Variants in SPMIP6 observed in about 807,000 individuals in gnomAD.
SPMIP6 encodes the protein sperm microtubule inner protein 6, also known as ciliated bronchial epithelial protein 1.
the SPMIP6 span, chr9:34,385,775 T>C: frequency 6.2e-7 from 1 of 1,612,328 alleles, no homozygotes; most frequent in South Asian, 1.1e-5. Flanking sequence ...ATGGTATGAG[T>C]CAGACCCTGG....
At chr9:34,385,508 C>T in the SPMIP6 span, 2 of 775,122 alleles carry the variant, frequency 2.6e-6, no homozygotes, top group Admixed American at 3.7e-5. Context: ...TGCACCCAGA[C>T]TGGGCAACAA....
At chr9:34,385,680 GC>G in the SPMIP6 span, 1 of 1,613,904 alleles carries the variant, frequency 6.2e-7, no homozygotes, top group Non-Finnish European at 8.5e-7. Flanking sequence ...AGTAGGGGTG[GC>G]CTGATATGGA....
chr9:34,384,152 C>G, the SPMIP6 span, among the ~76,000 whole-genome samples: 1 of 152,140 alleles, frequency 6.6e-6, no homozygotes, highest in Non-Finnish European at 1.5e-5. Context: ...TGGCAGTTTG[C>G]ACATACTGAA....
chr9:34,379,086 C>T, the SPMIP6 span: 9 of 1,602,946 alleles, frequency 5.6e-6, no homozygotes, highest in East Asian at 6.7e-5. The surrounding 1 kb of genome is among the most constrained non-coding windows in gnomAD (Gnocchi z 4.2). Context: ...CTACCAGCAA[C>T]GATAGTCGGG....
chr9:34,379,357 C>T, the SPMIP6 span, among the ~76,000 whole-genome samples: 7 of 152,204 alleles, frequency 4.6e-5, no homozygotes, highest in African/African-American at 1.7e-4. The surrounding 1 kb of genome is among the most constrained non-coding windows in gnomAD (Gnocchi z 4.2). Flanking sequence ...CCAATATTTC[C>T]TCCTTAACAT....
chr9:34,379,928 C>A, the SPMIP6 span, among the ~76,000 whole-genome samples: 2 of 152,142 alleles, frequency 1.3e-5, no homozygotes, highest in Admixed American at 1.3e-4. This position sits in a 1 kb window ranked among gnomAD's most constrained non-coding sequence, Gnocchi z 4.2. Context: ...TCCCTCCCGG[C>A]AAGGCCTCAT....
chr9:34,393,157 C>G, the SPMIP6 span, among the ~76,000 whole-genome samples: 1 of 152,228 alleles, frequency 6.6e-6, no homozygotes, highest in Non-Finnish European at 1.5e-5. Context: ...CTTATGCTCT[C>G]TTTAGAACAA....
At chr9:34,388,935 T>TC in the SPMIP6 span, among the ~76,000 whole-genome samples, 65 of 90,404 alleles carry the variant, frequency 7.2e-4, no homozygotes, top group Middle Eastern at 0.014. Context: ...TCTCTTTCTT[T>TC]TTTTTTTTTT....
At chr9:34,382,690 T>C in the SPMIP6 span, 1 of 1,001,596 alleles carries the variant, frequency 1.0e-6, no homozygotes. Context: ...GTCACTGTAG[T>C]TTGGGAGGTG....
At chr9:34,395,411 G>C in the SPMIP6 span, among the ~76,000 whole-genome samples, 4 of 152,194 alleles carry the variant, frequency 2.6e-5, no homozygotes, top group African/African-American at 9.6e-5. Context: ...TAATAATGCT[G>C]TCTTTATTGG....
At chr9:34,388,873 A>G in the SPMIP6 span, among the ~76,000 whole-genome samples, 4 of 152,020 alleles carry the variant, frequency 2.6e-5, no homozygotes, top group Non-Finnish European at 4.4e-5. Context: ...AATGTATATA[A>G]AAGATATTTA....
the SPMIP6 span, among the ~76,000 whole-genome samples, chr9:34,386,764 G>A: frequency 6.6e-6 from 1 of 152,068 alleles, no homozygotes; most frequent in Admixed American, 6.5e-5. Flanking sequence ...TGCTTTTTGG[G>A]GTTCACCTCA....
the SPMIP6 span, among the ~76,000 whole-genome samples, chr9:34,384,655 C>T: frequency 1.3e-5 from 2 of 152,124 alleles, no homozygotes; most frequent in African/African-American, 4.8e-5. Context: ...ATTCTCAGTC[C>T]ATTCAACAAA....
At chr9:34,381,602 C>T in the SPMIP6 span, 2 of 1,444,096 alleles carry the variant, frequency 1.4e-6, no homozygotes, top group South Asian at 2.8e-5. The surrounding 1 kb of genome is among the most constrained non-coding windows in gnomAD (Gnocchi z 4.4). Flanking sequence ...CGGCTGTCAC[C>T]GGGCAACGCT....
chr9:34,394,499 T>G, the SPMIP6 span, among the ~76,000 whole-genome samples: 1 of 148,566 alleles, frequency 6.7e-6, no homozygotes, highest in Non-Finnish European at 1.5e-5. Context: ...TATCTGAAAT[T>G]CTTGGGAGTT....
the SPMIP6 span, among the ~76,000 whole-genome samples, chr9:34,395,626 C>T: frequency 6.6e-6 from 1 of 152,182 alleles, no homozygotes; most frequent in Non-Finnish European, 1.5e-5. Context: ...CTATCTATAA[C>T]CCAGACCTCT....
the SPMIP6 span, among the ~76,000 whole-genome samples, chr9:34,387,653 A>G: frequency 1.1e-4 from 17 of 152,270 alleles, no homozygotes; most frequent in Admixed American, 8.5e-4. Context: ...CATTTAGAAG[A>G]ATTCATAGAC....
At chr9:34,381,421 A>T in the SPMIP6 span, 1 of 1,614,006 alleles carries the variant, frequency 6.2e-7, no homozygotes, top group Middle Eastern at 1.6e-4. This position sits in a 1 kb window ranked among gnomAD's most constrained non-coding sequence, Gnocchi z 4.4. Context: ...GCATTCCTCG[A>T]ACTGCTGTCT....
the SPMIP6 span, among the ~76,000 whole-genome samples, chr9:34,395,934 C>A: frequency 1.3e-5 from 2 of 152,104 alleles, no homozygotes; most frequent in African/African-American, 4.8e-5. Context: ...ATTGTTACAA[C>A]CCTTACTTAT....
Sources: gnomAD v4.1 joint callset for allele counts (sites outside exome capture counted in the v4.1 genomes callset) on GRCh38, gnomAD v4.1.1 for gene constraint, Gnocchi (gnomAD v3.1) non-coding constraint, MANE v1.5 for transcripts, NCBI Gene and HGNC (gene_info 2026-07-23, HGNC 2026-07-21) for gene names.